Variants in EREG observed in about 807,000 individuals in gnomAD.
EREG encodes the protein proepiregulin.
In EREG, 23 loss-of-function variants were observed where a neutral mutation model predicts 22.4. That is an observed-to-expected ratio of 1.03 (90% confidence interval 0.74 to 1.46). The LOEUF (loss-of-function observed/expected upper bound fraction) is 1.46. Among genes scored for constraint, EREG ranks in the 40% most tolerant of loss-of-function variants. The probability of loss-of-function intolerance (pLI) is 0.00; values close to 1 mark genes in which losing one functional copy is unlikely to be tolerated. For synonymous variants in EREG, 100 were observed against 75.4 expected, an observed-to-expected ratio of 1.33 and a Z score of -1.69; for missense variants, 226 against 205.9, an observed-to-expected ratio of 1.10 and a Z score of -0.60.
rs1752560523 is a variant in EREG at position 74,385,889 on chromosome 4, G to A, written c.*1081G>A. ...TAGAATGTAAAGTTATGTATTTAAA[G>A]TTGTATCTTGACACAGGAAATGGGA... On this transcript the variant is annotated 3_prime_UTR_variant, in exon 5 of 5. Transcript: ENST00000244869. 1 of 396,532 alleles carries A rather than the reference G, an allele frequency of 2.5e-6. No individual in the cohort carries two copies. 24.6% of individuals were successfully genotyped at this position (396,532 alleles called of 1,614,324 possible). A position where few individuals can be genotyped will look rare whatever the true frequency, so the allele number is the denominator to read the frequency against.
intron 2 of EREG, 46 bp downstream of exon 2, chr4:74,379,580 T>A: frequency 9.2e-7 from 1 of 1,087,738 alleles, no homozygotes. Context: ...TACATATTTT[T>A]AAACAGAAAT....
At chr4:74,378,122 A>G (rs1752413222) in intron 1 of EREG, among the ~76,000 whole-genome samples, 1 of 152,234 alleles carries the variant, frequency 6.6e-6, no homozygotes, top group African/African-American at 2.4e-5. Flanking sequence ...AGGTTGATTC[A>G]AACTCTTCCT....
intron 1 of EREG, among the ~76,000 whole-genome samples, chr4:74,373,568 C>A (rs1419353137): frequency 6.7e-6 from 1 of 149,938 alleles, no homozygotes; most frequent in African/African-American, 2.4e-5. Context: ...TTATTACTGG[C>A]AGAAGGCAAG....
rs1053132503 is a variant in EREG at position 74,386,345 on chromosome 4, A to G, written c.*1537A>G. The G allele has an allele frequency of 6.6e-6, 1 of 152,530 alleles. No individual in the cohort carries two copies. The highest frequency in any genetic ancestry group is 1.5e-5 in the Non-Finnish European group (1 of 68,268). 9.4% of individuals were successfully genotyped at this position (152,530 alleles called of 1,614,324 possible). On this transcript the variant is annotated 3_prime_UTR_variant, in exon 5 of 5. Coordinates refer to ENST00000244869, the MANE Select transcript of EREG (RefSeq NM_001432.3). Reference sequence around the variant, plus strand: ...GCACCAGGTGCCAGGACTTGTCTCCATGTGTATCCATGCATTATATACCCT... The same window carrying G: ...GCACCAGGTGCCAGGACTTGTCTCCGTGTGTATCCATGCATTATATACCCT...
chr4:74,383,487 T>C lies in EREG; in HGVS notation c.428+693T>C, dbSNP rs575460936. The stretch of plus-strand genomic sequence containing the variant: ...CCAAAACAGTCGTACCTCATCCTCA[T>C]GTGCATTATTGTCACAAGCTGAAAA... On this transcript the variant is annotated intron_variant, in intron 4 of 4. Transcript: ENST00000244869. Among the ~76,000 whole-genome samples the C allele has an allele frequency of 4.6e-5, 7 of 152,148 alleles. No individual in the cohort carries two copies. In the South Asian group the frequency reaches 1.2e-3, roughly 27 times the overall value.
chr4:74,369,669 G>T (rs1034327551), intron 1 of EREG, among the ~76,000 whole-genome samples: 1 of 151,650 alleles, frequency 6.6e-6, no homozygotes, highest in Non-Finnish European at 1.5e-5. Flanking sequence ...ATTGATACGT[G>T]CACACACACA....
Sources: allele counts gnomAD v4.1 joint callset (sites outside exome capture counted in the v4.1 genomes callset), GRCh38; gene constraint gnomAD v4.1.1; transcripts MANE v1.5; gene names NCBI Gene and HGNC (gene_info 2026-07-23, HGNC 2026-07-21).